The following LRRC8C variants were observed in gnomAD, a reference collection of about 807,000 sequenced individuals.
LRRC8C encodes the protein leucine rich repeat containing 8 VRAC subunit C, also known as volume-regulated anion channel subunit LRRC8C.
Under a neutral mutation model 55.3 loss-of-function variants are expected in LRRC8C, and 20 were observed. The observed-to-expected ratio is 0.36, with a 90% CI of 0.25 to 0.53. LRRC8C has a LOEUF of 0.53. LRRC8C is among the 20% of genes least tolerant of loss of function. The pLI is 0.92. For missense variants in LRRC8C, 659 were observed against 951.4 expected (o/e 0.69, Z 4.04); for synonymous variants, 376 against 360.7 (o/e 1.04, Z -0.48).
At chr1:89,688,231 G>A (rs1657933886) in intron 2 of LRRC8C, among the ~76,000 whole-genome samples, 1 of 150,610 alleles carries the variant, frequency 6.6e-6, no homozygotes, top group Admixed American at 6.6e-5. Flanking sequence ...AGAAGTTATT[G>A]TCTAAAAAAA....
chr1:89,661,476 C>T (rs114419396), intron 1 of LRRC8C: 10 of 189,952 alleles, frequency 5.3e-5, no homozygotes, highest in South Asian at 3.3e-4. Context: ...AAGAGGCCTC[C>T]GATTGGAAAG....
At chr1:89,617,930 C>T in the LRRC8C span, among the ~76,000 whole-genome samples, 1 of 152,140 alleles carries the variant, frequency 6.6e-6, no homozygotes, top group Non-Finnish European at 1.5e-5. Context: ...AGCTTCCATA[C>T]TCTCACCCCA....
intron 1 of LRRC8C, among the ~76,000 whole-genome samples, chr1:89,650,753 A>C (rs181248552): frequency 6.6e-6 from 1 of 152,314 alleles, no homozygotes; most frequent in African/African-American, 2.4e-5. Flanking sequence ...CAAACTTAGA[A>C]CATGGGTTCT....
the LRRC8C span, among the ~76,000 whole-genome samples, chr1:89,620,535 GCAA>G: frequency 1.4e-5 from 2 of 147,778 alleles, no homozygotes; most frequent in Admixed American, 1.4e-4. Flanking sequence ...AGAGCCATGT[GCAA>G]ATTTGATTAA....
rs1553164941 is a variant in LRRC8C, at chr1:89,659,061, T to TG, written c.-5+25739_-5+25740insG. 1.1e-3 allele frequency among the ~76,000 whole-genome samples: 57 copies of TG among 53,944 alleles called. 1 individual carries two copies. Among genetic ancestry groups the TG allele is most frequent in the African/African-American group, 3.1e-3 (49 of 15,898 alleles). 35.4% of individuals were successfully genotyped at this position (53,944 alleles called of 152,430 possible). Reference sequence around the variant, plus strand: ...TGTCTTCTCCAGGTTTTTTTTTTTTTTGTGTGTGTGTGTGTGTGTGTGTGT... The same window carrying TG: ...TGTCTTCTCCAGGTTTTTTTTTTTTTGTGTGTGTGTGTGTGTGTGTGTGTGT... On this transcript the variant is annotated intron_variant, in intron 1 of 2. Coordinates refer to ENST00000370454, the MANE Select transcript of LRRC8C (RefSeq NM_032270.5).
chr1:89,633,632 G>A (rs74098159), intron 1 of LRRC8C, among the ~76,000 whole-genome samples: 2,262 of 150,896 alleles, frequency 0.015, 68 homozygotes, highest in African/African-American at 0.053. Flanking sequence ...TGGGCGCGGG[G>A]GTGGGGGGGC....
chr1:89,702,600 A>AT (rs1658364012), intron 2 of LRRC8C, among the ~76,000 whole-genome samples: 1 of 149,980 alleles, frequency 6.7e-6, no homozygotes, highest in African/African-American at 2.5e-5. Context: ...ATAAAAAATA[A>AT]ATTTTTTTTT....
intron 1 of LRRC8C, among the ~76,000 whole-genome samples, chr1:89,638,863 G>T (rs901510687): frequency 6.6e-6 from 1 of 151,982 alleles, no homozygotes; most frequent in Non-Finnish European, 1.5e-5. Context: ...ATGCTGGAAT[G>T]CTGTGGTATT....
At chr1:89,639,688 T>A (rs1656402048) in intron 1 of LRRC8C, among the ~76,000 whole-genome samples, 1 of 152,272 alleles carries the variant, frequency 6.6e-6, no homozygotes, top group African/African-American at 2.4e-5. Context: ...TCTGTCTTGT[T>A]CACTGCCATA....
chr1:89,656,968 TTAAA>T (rs141879145), intron 1 of LRRC8C, among the ~76,000 whole-genome samples: 3,052 of 152,276 alleles, frequency 0.02, 99 homozygotes, highest in African/African-American at 0.07. Flanking sequence ...TTCAAAGGGG[TTAAA>T]TAACCTGCCC....
At chr1:89,677,514 C>A (rs951340342) in intron 1 of LRRC8C, among the ~76,000 whole-genome samples, 1 of 152,170 alleles carries the variant, frequency 6.6e-6, no homozygotes, top group Non-Finnish European at 1.5e-5. Flanking sequence ...TGTTTCTTAG[C>A]ACAGTTTAAC....
At chr1:89,661,352 C>A in intron 1 of LRRC8C, 2 of 345,396 alleles carry the variant, frequency 5.8e-6, no homozygotes, top group South Asian at 5.8e-5. Flanking sequence ...TGAACAATGC[C>A]AGACACGAGA....
intron 1 of LRRC8C, among the ~76,000 whole-genome samples, chr1:89,681,641 C>T (rs1657712539): frequency 6.6e-6 from 1 of 151,966 alleles, no homozygotes; most frequent in African/African-American, 2.4e-5. Context: ...GGAGAACTGC[C>T]CTTTATAAAA....
chr1:89,632,104 A>G (rs544186607), upstream of LRRC8C: 5 of 152,354 alleles, frequency 3.3e-5, no homozygotes, highest in South Asian at 1.0e-3. Context: ...AGGCATTCCC[A>G]GAAGACTGTG....
chr1:89,671,856 A>G (rs1031638638), intron 1 of LRRC8C, among the ~76,000 whole-genome samples: 6 of 152,230 alleles, frequency 3.9e-5, no homozygotes, highest in Middle Eastern at 3.2e-3. Flanking sequence ...ATCTGCAGAA[A>G]GCATGGGTAG....
At chr1:89,622,568 T>C in the LRRC8C span, among the ~76,000 whole-genome samples, 1 of 151,960 alleles carries the variant, frequency 6.6e-6, no homozygotes, top group Non-Finnish European at 1.5e-5. Flanking sequence ...CTCCTGACCT[T>C]GCGATCCGCC....
intron 2 of LRRC8C, among the ~76,000 whole-genome samples, chr1:89,706,096 T>G (rs1356163556): frequency 1.3e-5 from 2 of 152,154 alleles, no homozygotes; most frequent in Non-Finnish European, 2.9e-5. Context: ...ATCACACTAA[T>G]TACTGATTTA....
chr1:89,621,579 T>A, the LRRC8C span, among the ~76,000 whole-genome samples: 1 of 152,166 alleles, frequency 6.6e-6, no homozygotes, highest in Non-Finnish European at 1.5e-5. Context: ...AGGAAAAGTA[T>A]TGTGATGTGA....
rs908898855 is a variant in LRRC8C at position 89,684,379 on chromosome 1, G to T, written c.-4-2091G>T. Among the ~76,000 whole-genome samples the T allele has an allele frequency of 3.3e-5, 5 of 152,162 alleles. No homozygotes were observed. The South Asian group carries it at 8.3e-4, about 25-fold the overall frequency. On this transcript the variant is annotated intron_variant, in intron 1 of 2. Coordinates refer to ENST00000370454, the MANE Select transcript of LRRC8C (RefSeq NM_032270.5). ...AGGTTGTTTGCTAATTATCCCTGCC[G>T]CTGCAGCTGATTAGGATCACCCCAA...
Sources: gnomAD v4.1 joint callset for allele counts (sites outside exome capture counted in the v4.1 genomes callset) on GRCh38, gnomAD v4.1.1 for gene constraint, MANE v1.5 for transcripts, NCBI Gene and HGNC (gene_info 2026-07-23, HGNC 2026-07-21) for gene names.